The following SEM1 variants were observed in gnomAD, a reference collection of about 807,000 sequenced individuals.
SEM1 encodes 26S proteasome complex subunit SEM1.
SEM1 carries 3 observed loss-of-function variants against 12.7 expected under a neutral mutation model. The observed-to-expected ratio is 0.24, with a 90% CI of 0.11 to 0.61. The LOEUF (loss-of-function observed/expected upper bound fraction) is 0.61. Ranked by LOEUF, SEM1 falls within the 20% of genes least tolerant of loss-of-function variation. The probability of loss-of-function intolerance (pLI) is 0.88; values close to 1 mark genes in which losing one functional copy is unlikely to be tolerated. For missense variants in SEM1, 59 were observed against 81.3 expected (o/e 0.73, Z 1.06); for synonymous variants, 30 against 27.8 (o/e 1.08, Z -0.25).
intron 2 of SEM1, among the ~76,000 whole-genome samples, chr7:96,559,792 G>A (rs939118124): frequency 1.3e-5 from 2 of 152,134 alleles, no homozygotes; most frequent in Non-Finnish European, 2.9e-5. Context: ...ACTAGCTCTG[G>A]CCAATTAGCT....
intron 2 of SEM1, among the ~76,000 whole-genome samples, chr7:96,539,361 A>C (rs1804880810): frequency 6.6e-6 from 1 of 151,874 alleles, no homozygotes; most frequent in South Asian, 2.1e-4. Flanking sequence ...GTATGTAGCA[A>C]TAGATAACTA....
At chr7:96,666,471 T>C (rs1345653088) in intron 2 of SEM1, among the ~76,000 whole-genome samples, 1 of 152,042 alleles carries the variant, frequency 6.6e-6, no homozygotes, top group African/African-American at 2.4e-5. Context: ...GAGATCTATA[T>C]AAAGAGATAG....
chr7:96,611,620 T>C (rs11976135), intron 2 of SEM1, among the ~76,000 whole-genome samples: 4,396 of 152,298 alleles, frequency 0.029, 192 homozygotes, highest in African/African-American at 0.1. Flanking sequence ...CCATAGAGGA[T>C]GACAATGAAA....
chr7:96,483,535 C>T, exon 4 of SEM1: 1 of 335,906 alleles, frequency 3.0e-6, no homozygotes, highest in South Asian at 2.7e-5. Context: ...CCTACATGTC[C>T]ATATTGCATC....
At chr7:96,606,924 G>A (rs73228320) in intron 2 of SEM1, among the ~76,000 whole-genome samples, 7,938 of 152,224 alleles carry the variant, frequency 0.052, 290 homozygotes, top group Middle Eastern at 0.11. Flanking sequence ...CTATGTCACT[G>A]TACAGAAGAG....
rs374477836 is a variant in SEM1 at position 96,629,282 on chromosome 7, C to T, written c.171-6639G>A. Among the ~76,000 whole-genome samples the T allele has an allele frequency of 4.8e-4, 73 of 152,050 alleles. 1 individual carries two copies. The highest frequency in any genetic ancestry group is 1.7e-3 in the African/African-American group (69 of 41,516). On this transcript the variant is annotated intron_variant, in intron 2 of 2. Coordinates refer to the SEM1 transcript ENST00000417009. ...TAAGGCCAACAACTCTTAGATTTGCCCTTTTGCAGCTATTTTCTAGATCCC... is the reference window on the plus strand; with the variant it reads ...TAAGGCCAACAACTCTTAGATTTGCTCTTTTGCAGCTATTTTCTAGATCCC...
At chr7:96,623,130 G>C (rs1220799534) in intron 2 of SEM1, 1 of 152,512 alleles carries the variant, frequency 6.6e-6, no homozygotes, top group African/African-American at 2.4e-5. Context: ...AGCAAAGGAA[G>C]GGAAAAATTT....
At chr7:96,592,568 A>G (rs1806861921) in intron 2 of SEM1, among the ~76,000 whole-genome samples, 1 of 151,684 alleles carries the variant, frequency 6.6e-6, no homozygotes, top group South Asian at 2.1e-4. Flanking sequence ...GCACCATGAC[A>G]CCGGCTGTCA....
intron 2 of SEM1, among the ~76,000 whole-genome samples, chr7:96,633,255 A>G (rs936499699): frequency 1.3e-5 from 2 of 152,158 alleles, no homozygotes. Context: ...AAATAGACAT[A>G]GCTTACAGGG....
At chr7:96,607,546 C>T (rs1287089612) in intron 2 of SEM1, among the ~76,000 whole-genome samples, 1 of 152,178 alleles carries the variant, frequency 6.6e-6, no homozygotes, top group African/African-American at 2.4e-5. Flanking sequence ...AGTTCTAGTG[C>T]TTAACCTTAA....
At chr7:96,632,644 T>C (rs1011990904) in intron 2 of SEM1, among the ~76,000 whole-genome samples, 2 of 152,118 alleles carry the variant, frequency 1.3e-5, no homozygotes, top group Admixed American at 6.6e-5. Flanking sequence ...ATGGCACGTG[T>C]ATACCTATGT....
intron 1 of SEM1, among the ~76,000 whole-genome samples, chr7:96,486,758 C>A (rs543435722): frequency 6.6e-6 from 1 of 152,316 alleles, no homozygotes; most frequent in East Asian, 1.9e-4. Flanking sequence ...CATGAGGCAA[C>A]TTGCAAATCC....
chr7:96,661,709 C>G (rs767741596), intron 2 of SEM1, among the ~76,000 whole-genome samples: 2 of 152,046 alleles, frequency 1.3e-5, no homozygotes, highest in South Asian at 4.1e-4. Context: ...GTCAGGGGGC[C>G]GGGCGTGGTG....
At chr7:96,590,148 A>G (rs7788173) in intron 2 of SEM1, among the ~76,000 whole-genome samples, 82,803 of 151,944 alleles carry the variant, frequency 0.54, 24,616 homozygotes, top group Non-Finnish European at 0.68. Context: ...GTAAAATATT[A>G]CTCATAGAAA....
At chr7:96,550,140 T>C (rs1040862030) in intron 2 of SEM1, among the ~76,000 whole-genome samples, 1 of 151,556 alleles carries the variant, frequency 6.6e-6, no homozygotes, top group African/African-American at 2.4e-5. Context: ...GTTTGAGAAA[T>C]AGTGAGGGAA....
chr7:96,670,073 A>G (rs1254181123), downstream of SEM1, among the ~76,000 whole-genome samples: 1 of 152,208 alleles, frequency 6.6e-6, no homozygotes, highest in Non-Finnish European at 1.5e-5. Flanking sequence ...AAGGTATATC[A>G]TTGAAACCAC....
intron 2 of SEM1, among the ~76,000 whole-genome samples, chr7:96,515,345 A>C (rs760051388): frequency 6.6e-6 from 1 of 152,216 alleles, no homozygotes; most frequent in Non-Finnish European, 1.5e-5. Context: ...CACGCCAATT[A>C]GAATGATGAT....
intron 2 of SEM1, among the ~76,000 whole-genome samples, chr7:96,663,064 T>A (rs920909873): frequency 6.6e-6 from 1 of 151,910 alleles, no homozygotes; most frequent in East Asian, 1.9e-4. Context: ...TGTTTTTTTT[T>A]AAGAAAGACT....
chr7:96,552,310 T>G (rs1432581611), intron 2 of SEM1, among the ~76,000 whole-genome samples: 5 of 152,122 alleles, frequency 3.3e-5, no homozygotes, highest in Non-Finnish European at 5.9e-5. Flanking sequence ...CATCTAGCAT[T>G]AGGTATATCT....
Sources: gnomAD v4.1 joint callset for allele counts (sites outside exome capture counted in the v4.1 genomes callset) on GRCh38, gnomAD v4.1.1 for gene constraint, MANE v1.5 for transcripts, NCBI Gene and HGNC (gene_info 2026-07-23, HGNC 2026-07-21) for gene names.